Variants in SRGAP1 observed in about 807,000 individuals in gnomAD.
SRGAP1 encodes the protein SLIT-ROBO Rho GTPase activating protein 1, also known as SLIT-ROBO Rho GTPase-activating protein 1.
In SRGAP1, 43 loss-of-function variants were observed where a neutral mutation model predicts 121.9. That is an observed-to-expected ratio of 0.35 (90% confidence interval 0.28 to 0.46). The LOEUF (loss-of-function observed/expected upper bound fraction) is 0.46, where lower values mean the gene tolerates loss of function less well. Ranked by LOEUF, SRGAP1 falls within the 20% of genes least tolerant of loss-of-function variation. SRGAP1 has a pLI of 1.00. For synonymous variants in SRGAP1, 447 were observed against 485.4 expected (o/e 0.92, Z 1.04); for missense variants, 1,102 against 1,350.9 (o/e 0.82, Z 2.89).
In SRGAP1 at chr12:64,108,874, G is replaced by A. The variant is rs2036387031; in HGVS notation, c.1814-58G>A. 4.7e-6 allele frequency: 6 copies of A among 1,281,822 alleles called. No individual in the cohort carries two copies. The South Asian group carries it at 5.5e-5, about 12-fold the overall frequency. 79.4% of individuals were successfully genotyped at this position (1,281,822 alleles called of 1,614,324 possible). On this transcript the variant is annotated intron_variant, in intron 15 of 21. Transcript: ENST00000355086. The stretch of plus-strand genomic sequence containing the variant: ...GTACCGGTAATACATGTACTGCAGT[G>A]TTCTGTTTTAAATGTGGCAAGTGAA...
At chr12:63,922,463 A>T (rs2031097308) in intron 1 of SRGAP1, among the ~76,000 whole-genome samples, 1 of 152,178 alleles carries the variant, frequency 6.6e-6, no homozygotes, top group South Asian at 2.1e-4. Context: ...GAGTCAATGA[A>T]GTTTCTCTTT....
At chr12:64,037,131 CA>C (rs2034920509) in intron 4 of SRGAP1, among the ~76,000 whole-genome samples, 1 of 152,154 alleles carries the variant, frequency 6.6e-6, no homozygotes, top group Admixed American at 6.5e-5. Context: ...GGTCAAATGT[CA>C]AAAGGAGGAG....
At chr12:63,925,039 C>T (rs2031205716) in intron 1 of SRGAP1, among the ~76,000 whole-genome samples, 1 of 152,186 alleles carries the variant, frequency 6.6e-6, no homozygotes, top group Non-Finnish European at 1.5e-5. Context: ...GGAGGGGTGA[C>T]TGTCACTGCA....
intron 11 of SRGAP1, 103 bp downstream of exon 11, chr12:64,087,129 G>A (rs568406176): frequency 7.6e-5 from 67 of 881,924 alleles, no homozygotes; most frequent in Middle Eastern, 6.9e-4. Context: ...TAATGAATAC[G>A]GGAGATAGTT....
At chr12:63,866,314 A>G (rs1037973987) in intron 1 of SRGAP1, among the ~76,000 whole-genome samples, 2 of 152,194 alleles carry the variant, frequency 1.3e-5, no homozygotes, top group African/African-American at 4.8e-5. Context: ...ACTGCACTGT[A>G]TGTTCATAAG....
chr12:63,912,256 C>T (rs2030535671), intron 1 of SRGAP1, among the ~76,000 whole-genome samples: 1 of 152,122 alleles, frequency 6.6e-6, no homozygotes, highest in Admixed American at 6.6e-5. Context: ...GACACTATCC[C>T]TATTTCAGAG....
intron 1 of SRGAP1, among the ~76,000 whole-genome samples, chr12:63,927,780 A>G (rs1432114739): frequency 2.0e-5 from 3 of 152,050 alleles, no homozygotes; most frequent in Non-Finnish European, 2.9e-5. Context: ...GTAATATACC[A>G]TAATGTTCCC....
At chr12:64,070,720 T>C (rs924916034) in intron 8 of SRGAP1, among the ~76,000 whole-genome samples, 10 of 152,200 alleles carry the variant, frequency 6.6e-5, no homozygotes, top group Non-Finnish European at 8.8e-5. Context: ...TCAACAATAA[T>C]GAGCAAGATT....
chr12:63,901,613 T>C (rs1202487699), intron 1 of SRGAP1, among the ~76,000 whole-genome samples: 5 of 152,206 alleles, frequency 3.3e-5, no homozygotes, highest in African/African-American at 1.2e-4. Flanking sequence ...TAATCACATA[T>C]TGTTTTGCAC....
intron 3 of SRGAP1, among the ~76,000 whole-genome samples, chr12:64,012,551 CTTTT>C (rs386376760): frequency 3.9e-5 from 3 of 77,676 alleles, no homozygotes; most frequent in South Asian, 1.0e-3. Flanking sequence ...AAGTTATTAT[CTTTT>C]TTTTTTTTTT....
intron 21 of SRGAP1, among the ~76,000 whole-genome samples, chr12:64,141,583 G>C (rs994320442): frequency 6.6e-6 from 1 of 152,050 alleles, no homozygotes; most frequent in East Asian, 1.9e-4. Flanking sequence ...GCATCTTGGG[G>C]GGGGAAAAAG....
chr12:64,102,053 A>C (rs2036263977), intron 15 of SRGAP1, among the ~76,000 whole-genome samples: 2 of 152,222 alleles, frequency 1.3e-5, no homozygotes, highest in Admixed American at 1.3e-4. Context: ...TGTTTACAAC[A>C]AACAACAACA....
intron 1 of SRGAP1, among the ~76,000 whole-genome samples, chr12:63,875,672 C>CT (rs1900006689): frequency 6.6e-6 from 1 of 152,270 alleles, no homozygotes; most frequent in South Asian, 2.1e-4. Flanking sequence ...CATAGGGACA[C>CT]TTTTAACAAC....
At chr12:63,873,366 A>G (rs963317266) in intron 1 of SRGAP1, among the ~76,000 whole-genome samples, 28 of 152,018 alleles carry the variant, frequency 1.8e-4, no homozygotes, top group African/African-American at 6.3e-4. Flanking sequence ...TCTCGTGTCT[A>G]CTACAAATAC....
rs144452014 is a variant in SRGAP1, at chr12:64,157,179, T to G, written c.*14507T>G. 313 of 152,340 alleles carry G rather than the reference T, an allele frequency of 2.1e-3. No homozygotes were observed. Among genetic ancestry groups the G allele is most frequent in the Non-Finnish European group, 3.2e-3 (218 of 68,044 alleles). 9.4% of individuals were successfully genotyped at this position (152,340 alleles called of 1,614,324 possible). ...ATGTGTCTACCTCTAAATTCATCAT[T>G]TACTGAACAAATAACTCATGAGGGT... On this transcript the variant is annotated 3_prime_UTR_variant, in exon 22 of 22. Coordinates refer to ENST00000355086, the MANE Select transcript of SRGAP1 (RefSeq NM_020762.4).
intron 21 of SRGAP1, among the ~76,000 whole-genome samples, chr12:64,135,882 A>G (rs1316497104): frequency 6.6e-6 from 1 of 152,206 alleles, no homozygotes; most frequent in Non-Finnish European, 1.5e-5. Flanking sequence ...CACAATCACA[A>G]GGTCCCACAA....
At chr12:63,874,293 T>C (rs886458234) in intron 1 of SRGAP1, among the ~76,000 whole-genome samples, 6 of 151,926 alleles carry the variant, frequency 3.9e-5, no homozygotes, top group African/African-American at 1.5e-4. Context: ...AAGCTCCGCC[T>C]CCTGGGTTCA....
At position 63,953,531 on chromosome 12, in the gene SRGAP1, T is replaced by A. The variant is rs1332167653; in HGVS notation, c.68-30416T>A. ...GATCCTTCCACTTTAGCCTCCCGAGTAGCTGAGACTATAGGCATGCACCAC... is the reference window on the plus strand; with the variant it reads ...GATCCTTCCACTTTAGCCTCCCGAGAAGCTGAGACTATAGGCATGCACCAC... On this transcript the variant is annotated intron_variant, in intron 1 of 21. Transcript: ENST00000355086. Among the ~76,000 whole-genome samples, 7 of 151,664 alleles carry A rather than the reference T, an allele frequency of 4.6e-5. No individual in the cohort carries two copies. In the East Asian group the frequency reaches 1.4e-3, roughly 29 times the overall value.
In SRGAP1 at chr12:63,864,800, C is replaced by T. The variant is rs565214269; in HGVS notation, c.67+19917C>T. Among the ~76,000 whole-genome samples the T allele has an allele frequency of 3.3e-5, 5 of 151,896 alleles. No individual in the cohort carries two copies. In the South Asian group the frequency reaches 8.3e-4, roughly 25 times the overall value. On this transcript the variant is annotated intron_variant, in intron 1 of 21. Transcript: ENST00000355086. The stretch of plus-strand genomic sequence containing the variant: ...ATAGGATCCTGCGACAGGAAAAGAA[C>T]ATTAGGTAAAAACAAAGGAAATCCA...
Sources: gnomAD v4.1 joint callset for allele counts (sites outside exome capture counted in the v4.1 genomes callset) on GRCh38, gnomAD v4.1.1 for gene constraint, MANE v1.5 for transcripts, NCBI Gene and HGNC (gene_info 2026-07-23, HGNC 2026-07-21) for gene names.